The following NANS variants were observed in gnomAD, a reference collection of about 807,000 sequenced individuals.
The protein encoded by NANS is N-acetylneuraminate-9-phosphate synthase.
A neutral mutation model predicts 33.3 loss-of-function variants in NANS; 29 were observed. That is an observed-to-expected ratio of 0.87 (90% CI 0.65 to 1.19). The LOEUF (loss-of-function observed/expected upper bound fraction) is 1.19. NANS is among the 50% of genes most tolerant of loss of function. The pLI, the probability that NANS is intolerant of heterozygous loss-of-function variation, is 0.00. For synonymous variants in NANS, 163 were observed against 177.2 expected (o/e 0.92, Z 0.64); for missense variants, 394 against 461.1 (o/e 0.85, Z 1.33).
At position 98,078,421 on chromosome 9, in the gene NANS, A is replaced by G. The variant is rs1489791949; in HGVS notation, c.603+74A>G. ...AGGCGTAGTCTTTTTTATAACCAAA[A>G]TTCTAACAAACATGGCATACTTTAT... On this transcript the variant is annotated intron_variant, in intron 4 of 5. Coordinates refer to ENST00000210444, the MANE Select transcript of NANS (RefSeq NM_018946.4). 3.3e-6 allele frequency: 5 copies of G among 1,509,788 alleles called. No individual in the cohort carries two copies. The African/African-American group carries it at 4.2e-5, about 13-fold the overall frequency. 93.5% of individuals were successfully genotyped at this position (1,509,788 alleles called of 1,614,324 possible).
At chr9:98,079,285 G>T (rs1490777257) in intron 4 of NANS, among the ~76,000 whole-genome samples, 2 of 152,086 alleles carry the variant, frequency 1.3e-5, no homozygotes, top group Non-Finnish European at 2.9e-5. Context: ...AACTTTATTC[G>T]AAAATATGTA....
At chr9:98,081,412 T>TAAGTC in intron 5 of NANS, 1 of 267,740 alleles carries the variant, frequency 3.7e-6, no homozygotes, top group East Asian at 8.7e-5. Context: ...GGCCCTGGAA[T>TAAGTC]AAGTCAAGTC....
chr9:98,063,086 G>A (rs1417184068), intron 2 of NANS, among the ~76,000 whole-genome samples: 1 of 151,324 alleles, frequency 6.6e-6, no homozygotes, highest in Non-Finnish European at 1.5e-5. Context: ...CACCAGGCCT[G>A]GCTGATTTTT....
Position 98,060,681 on chromosome 9 carries a change from A to C in NANS, c.133-101A>C, listed in dbSNP as rs1312362188. ...GCGAAACTCTGTCTCTAAATAAATA[A>C]ATAAATAAAGATGGTGATGTCATAG... On this transcript the variant is annotated intron_variant, in intron 1 of 5. Coordinates refer to ENST00000210444, the MANE Select transcript of NANS (RefSeq NM_018946.4). The C allele has an allele frequency of 3.1e-5, 35 of 1,117,250 alleles. No individual in the cohort carries two copies. In the South Asian group the frequency reaches 4.8e-4, roughly 15 times the overall value. 69.2% of individuals were successfully genotyped at this position (1,117,250 alleles called of 1,614,324 possible). A position where few individuals can be genotyped will look rare whatever the true frequency, so the allele number is the denominator to read the frequency against.
intron 2 of NANS, among the ~76,000 whole-genome samples, chr9:98,073,953 T>A (rs1433763632): frequency 6.6e-6 from 1 of 151,946 alleles, no homozygotes; most frequent in Non-Finnish European, 1.5e-5. Flanking sequence ...ACCCGGCTAA[T>A]TTTTATATGT....
intron 2 of NANS, among the ~76,000 whole-genome samples, chr9:98,062,737 C>T (rs992077302): frequency 1.3e-5 from 2 of 150,314 alleles, no homozygotes; most frequent in Non-Finnish European, 3.0e-5. Flanking sequence ...CTATACTGTA[C>T]CTAACCATTC....
chr9:98,064,119 A>G (rs1205533069), intron 2 of NANS, among the ~76,000 whole-genome samples: 1 of 152,204 alleles, frequency 6.6e-6, no homozygotes, highest in Non-Finnish European at 1.5e-5. Flanking sequence ...AAAAGGAGGA[A>G]GGTGGAGAAC....
chr9:98,067,786 A>C (rs146082928), intron 2 of NANS, among the ~76,000 whole-genome samples: 2 of 151,482 alleles, frequency 1.3e-5, no homozygotes, highest in East Asian at 3.9e-4. Flanking sequence ...GAGTGGTGCA[A>C]TATCGGCTCA....
chr9:98,061,793 TTAATAA>T lies in NANS; in HGVS notation c.348+808_348+813del, dbSNP rs201705317. 4.1e-3 allele frequency among the ~76,000 whole-genome samples: 594 copies of T among 146,432 alleles called. 6 individuals carry two copies. Among genetic ancestry groups the T allele is most frequent in the African/African-American group, 0.013 (524 of 39,860 alleles). On this transcript the variant is annotated intron_variant, in intron 2 of 5. Transcript: ENST00000210444. ...GATTCCGTCTCAAAAAAAAAAAAAA[TTAATAA>T]TAATAATAATAGTAATAACAATAAC...
chr9:98,065,308 C>CTTTTTTTTT (rs758040892), intron 2 of NANS, among the ~76,000 whole-genome samples: 2 of 92,762 alleles, frequency 2.2e-5, no homozygotes, highest in Non-Finnish European at 3.9e-5. Context: ...ACTCCTGGTG[C>CTTTTTTTTT]TTTTTTTTTT....
Position 98,083,012 on chromosome 9 carries a change from T to G in NANS, c.1037T>G (p.Met346Arg). 6.2e-7 allele frequency: 1 copy of G among 1,614,218 alleles called. No individual in the cohort carries two copies. The change falls in exon 6 of 6, where the codon ATG becomes AGG. Residue 346 changes from methionine to arginine, a missense_variant. Transcript: ENST00000210444. ...LVTVEEDDTI[M>R]EELVDNHGKK... ...ACTGTTGAAGAGGATGACACCATCA[T>G]GGAAGAATTGGTAGATAATCATGGC...
In NANS at chr9:98,073,271, C is replaced by CTTTTTTT. The variant is rs10606237; in HGVS notation, c.349-3622_349-3616dup. On this transcript the variant is annotated intron_variant, in intron 2 of 5. Transcript: ENST00000210444. ...GTTCTCCCCAGCTCATCACCATGGG[C>CTTTTTTT]TTTTTTTTTTTTTTTTTTTTTTTTT... Among the ~76,000 whole-genome samples the CTTTTTTT allele has an allele frequency of 1.3e-3, 73 of 57,842 alleles. 7 individuals are homozygous for CTTTTTTT. Among genetic ancestry groups the CTTTTTTT allele is most frequent in the East Asian group, 2.8e-3 (4 of 1,448 alleles). The allele number at this position is 57,842 out of a possible 152,430, so 37.9% of individuals were successfully genotyped here.
chr9:98,073,956 TTA>T (rs761332721), intron 2 of NANS, among the ~76,000 whole-genome samples: 5 of 152,028 alleles, frequency 3.3e-5, no homozygotes, highest in African/African-American at 9.7e-5. Flanking sequence ...CGGCTAATTT[TTA>T]TATGTTTTGT....
intron 2 of NANS, among the ~76,000 whole-genome samples, chr9:98,065,483 A>ATTTTTTTTTTTTT (rs397837187): frequency 5.3e-4 from 31 of 58,634 alleles, no homozygotes; most frequent in East Asian, 8.1e-4. Context: ...TGCCCAGCTA[A>ATTTTTTTTTTTTT]TTTTTTTTTT....
At position 98,081,056 on chromosome 9, in the gene NANS, C is replaced by A; in HGVS notation, c.844C>A (p.Pro282Thr). Residue 282 changes from proline (P) to threonine (T), a missense_variant, in exon 5 of 6, where the codon CCC becomes ACC. Coordinates refer to ENST00000210444, the MANE Select transcript of NANS (RefSeq NM_018946.4). The part of the protein sequence containing the change: ...ALGSPTKQLL[P>T]CEMACNEKLG... Reference sequence around the variant, plus strand: ...GGGCTCCCCAACCAAGCAGCTGCTGCCCTGTGAGATGGCCTGCAATGAGAA... The same window carrying A: ...GGGCTCCCCAACCAAGCAGCTGCTGACCTGTGAGATGGCCTGCAATGAGAA... 1 of 1,614,156 alleles carries A rather than the reference C, an allele frequency of 6.2e-7. No individual in the cohort carries two copies. Among genetic ancestry groups the A allele is most frequent in the African/African-American group, 1.3e-5 (1 of 75,022 alleles).
chr9:98,080,734 G>C (rs1340795517), intron 4 of NANS, 82 bp from the exon 5 acceptor site: 1 of 1,473,016 alleles, frequency 6.8e-7, no homozygotes, highest in Admixed American at 2.2e-5. Flanking sequence ...CTAAACCGGG[G>C]CTCAACCAGA....
chr9:98,063,005 C>T (rs1365957271), intron 2 of NANS, among the ~76,000 whole-genome samples: 1 of 151,806 alleles, frequency 6.6e-6, no homozygotes, highest in African/African-American at 2.4e-5. Flanking sequence ...GGCGTGATCT[C>T]GGCTCGCTGC....
chr9:98,079,976 G>A (rs1486574056), intron 4 of NANS, among the ~76,000 whole-genome samples: 1 of 152,234 alleles, frequency 6.6e-6, no homozygotes, highest in Non-Finnish European at 1.5e-5. Context: ...CACTTTGGGA[G>A]GCTGAGGCAG....
chr9:98,078,749 C>T (rs947512558), intron 4 of NANS, among the ~76,000 whole-genome samples: 1 of 149,658 alleles, frequency 6.7e-6, no homozygotes, highest in African/African-American at 2.5e-5. Context: ...GCAGGAGAAT[C>T]GCTTGAATTC....
Sources: gnomAD v4.1 joint callset for allele counts (sites outside exome capture counted in the v4.1 genomes callset) on GRCh38, gnomAD v4.1.1 for gene constraint, MANE v1.5 for transcripts, NCBI Gene and HGNC (gene_info 2026-07-23, HGNC 2026-07-21) for gene names.